CCDC146: variants seen among roughly 807,000 people sequenced by gnomAD.
The protein encoded by CCDC146 is coiled-coil domain containing 146.
A neutral mutation model predicts 119.3 loss-of-function variants in CCDC146; 92 were observed. The observed-to-expected ratio is 0.77, with a 90% CI of 0.65 to 0.92. CCDC146 has a LOEUF of 0.92. CCDC146 is among the 40% of genes least tolerant of loss of function. CCDC146 has a pLI of 0.00. For missense variants in CCDC146, 1,000 were observed against 1,103.0 expected, an observed-to-expected ratio of 0.91 and a Z score of 1.32; for synonymous variants, 372 against 371.8, an observed-to-expected ratio of 1.00 and a Z score of -0.01.
intron 2 of CCDC146, among the ~76,000 whole-genome samples, chr7:77,177,438 A>G (rs1791516982): frequency 6.6e-6 from 1 of 152,174 alleles, no homozygotes; most frequent in South Asian, 2.1e-4. Flanking sequence ...TGCTATTTCC[A>G]TCTTAAAGAT....
At chr7:77,230,956 C>T (rs1247393238) in intron 2 of CCDC146, among the ~76,000 whole-genome samples, 3 of 152,048 alleles carry the variant, frequency 2.0e-5, no homozygotes, top group South Asian at 2.1e-4. Context: ...TTATGTTCTG[C>T]GATTTCAGGT....
chr7:77,291,689 C>T (rs1480084867), intron 17 of CCDC146, among the ~76,000 whole-genome samples: 3 of 152,200 alleles, frequency 2.0e-5, no homozygotes, highest in Non-Finnish European at 4.4e-5. Context: ...GCCTGAGTGA[C>T]AGAGTGAGAC....
At chr7:77,212,946 A>G (rs947361659) in intron 2 of CCDC146, among the ~76,000 whole-genome samples, 10 of 131,038 alleles carry the variant, frequency 7.6e-5, no homozygotes, top group African/African-American at 3.0e-4. Flanking sequence ...TCCAGGTCAC[A>G]TTAATTTTTT....
intron 1 of CCDC146, among the ~76,000 whole-genome samples, chr7:77,128,601 G>A (rs1790740584): frequency 6.6e-6 from 1 of 151,066 alleles, no homozygotes; most frequent in African/African-American, 2.5e-5. Context: ...GAAGAAAAGG[G>A]GCTCCTGCCA....
At chr7:77,169,117 CATG>C (rs1222518698) in intron 2 of CCDC146, among the ~76,000 whole-genome samples, 2 of 152,004 alleles carry the variant, frequency 1.3e-5, no homozygotes, top group African/African-American at 4.8e-5. Context: ...CTTTAGTTTT[CATG>C]ATATTGACAC....
chr7:77,279,242 T>A lies in CCDC146; in HGVS notation c.1694+141T>A, dbSNP rs892481922. 5 of 610,504 alleles carry A rather than the reference T, an allele frequency of 8.2e-6. No individual in the cohort carries two copies. In the East Asian group the frequency reaches 1.6e-4, roughly 19 times the overall value. The allele number at this position is 610,504 out of a possible 1,614,324, so 37.8% of individuals were successfully genotyped here. Reference sequence around the variant, plus strand: ...TGGTGCCACTGCCCTCCAGCCTGGGTGACAGAATGAGACCCTGTCTCAAAA... The same window carrying A: ...TGGTGCCACTGCCCTCCAGCCTGGGAGACAGAATGAGACCCTGTCTCAAAA... On this transcript the variant is annotated intron_variant, in intron 13 of 18. Coordinates refer to ENST00000285871, the MANE Select transcript of CCDC146 (RefSeq NM_020879.3).
chr7:77,148,331 G>T (rs189563005), intron 1 of CCDC146, among the ~76,000 whole-genome samples: 1 of 152,154 alleles, frequency 6.6e-6, no homozygotes, highest in Non-Finnish European at 1.5e-5. Context: ...GGCTAGGAAA[G>T]GGAATACCCT....
At chr7:77,199,239 A>G (rs1791933349) in intron 2 of CCDC146, 1 of 1,613,856 alleles carries the variant, frequency 6.2e-7, no homozygotes, top group Non-Finnish European at 8.5e-7. Flanking sequence ...CATCCAAACT[A>G]TTGACAACAA....
At chr7:77,159,440 A>C (rs1203052036) in intron 1 of CCDC146, among the ~76,000 whole-genome samples, 10 of 152,114 alleles carry the variant, frequency 6.6e-5, no homozygotes, top group Non-Finnish European at 1.2e-4. Context: ...TTCATTTTCT[A>C]TCCATGATGT....
At chr7:77,172,488 T>C (rs940751346) in intron 2 of CCDC146, among the ~76,000 whole-genome samples, 2 of 152,224 alleles carry the variant, frequency 1.3e-5, no homozygotes, top group African/African-American at 4.8e-5. Flanking sequence ...CATTCATTGT[T>C]ATTAATGCTA....
intron 2 of CCDC146, among the ~76,000 whole-genome samples, chr7:77,187,909 C>T (rs553392618): frequency 1.3e-5 from 2 of 152,290 alleles, no homozygotes; most frequent in South Asian, 2.1e-4. Context: ...GTATACCTAA[C>T]TTAATAGCAT....
At chr7:77,217,348 A>G (rs1185758538) in intron 2 of CCDC146, among the ~76,000 whole-genome samples, 1 of 151,856 alleles carries the variant, frequency 6.6e-6, no homozygotes, top group Non-Finnish European at 1.5e-5. Context: ...ACACACACAC[A>G]CATATGTATA....
chr7:77,154,347 TG>T (rs1344079432), intron 1 of CCDC146, among the ~76,000 whole-genome samples: 1 of 152,216 alleles, frequency 6.6e-6, no homozygotes, highest in Non-Finnish European at 1.5e-5. Flanking sequence ...AGGGTACATG[TG>T]CACAACGTGC....
At chr7:77,158,129 A>C (rs1232390673) in intron 1 of CCDC146, among the ~76,000 whole-genome samples, 2 of 152,132 alleles carry the variant, frequency 1.3e-5, no homozygotes, top group Non-Finnish European at 2.9e-5. Flanking sequence ...TCTCCTAAGA[A>C]CGTTGCTTTT....
chr7:77,274,518 C>A lies in CCDC146; in HGVS notation c.1306C>A (p.Gln436Lys). 1 of 1,602,334 alleles carries A rather than the reference C, an allele frequency of 6.2e-7. No homozygotes were observed. The highest frequency in any genetic ancestry group is 8.5e-7 in the Non-Finnish European group (1 of 1,174,296). The change falls in exon 11 of 19, where the codon CAA (glutamine) becomes AAA (lysine). Residue 436 changes from glutamine (Q) to lysine (K), a missense_variant. By Grantham distance (53) the Gln-to-Lys change is moderately conservative. Around this residue, in one of 2 missense-constraint regions of CCDC146, gnomAD observed 985 missense variants for 1,045.3 expected, o/e 0.94. Coordinates refer to ENST00000285871, the MANE Select transcript of CCDC146 (RefSeq NM_020879.3). Reference protein sequence around the residue: ...ISEMESKLVEQQLAEENKLLK... With the variant: ...ISEMESKLVEKQLAEENKLLK... ...AGAAATGGAGTCTAAGTTAGTAGAA[C>A]AACAACTTGCAGAAGAAAACAAGCT... is the stretch of plus-strand genomic sequence containing the variant.
intron 1 of CCDC146, among the ~76,000 whole-genome samples, chr7:77,139,109 G>C (rs565432462): frequency 6.6e-6 from 1 of 152,184 alleles, no homozygotes; most frequent in Non-Finnish European, 1.5e-5. Context: ...AAGCAACCCA[G>C]ATGTCCTTCA....
At chr7:77,229,393 G>A (rs34219376) in intron 2 of CCDC146, among the ~76,000 whole-genome samples, 16,064 of 152,160 alleles carry the variant, frequency 0.11, 1,111 homozygotes, top group Non-Finnish European at 0.16. Context: ...ATCTTTGCCT[G>A]TGTCTATGTC....
intron 1 of CCDC146, among the ~76,000 whole-genome samples, chr7:77,156,089 G>T (rs1306787962): frequency 6.6e-6 from 1 of 152,156 alleles, no homozygotes; most frequent in Non-Finnish European, 1.5e-5. Flanking sequence ...CTCGGGAGGG[G>T]TGCTGATTCT....
chr7:77,181,467 A>T (rs1276920281), intron 2 of CCDC146, among the ~76,000 whole-genome samples: 1 of 152,182 alleles, frequency 6.6e-6, no homozygotes, highest in Non-Finnish European at 1.5e-5. Context: ...GGTTTTCCCA[A>T]ACAAGGTGTA....
Sources: allele counts gnomAD v4.1 joint callset (sites outside exome capture counted in the v4.1 genomes callset), GRCh38; gene constraint gnomAD v4.1.1; regional missense constraint gnomAD v4.1.1; transcripts MANE v1.5; gene names NCBI Gene and HGNC (gene_info 2026-07-23, HGNC 2026-07-21).